IRAK1BP1: variants seen among roughly 807,000 people sequenced by gnomAD.
IRAK1BP1 encodes the protein interleukin 1 receptor associated kinase 1 binding protein 1, also known as interleukin-1 receptor-associated kinase 1-binding protein 1.
IRAK1BP1 carries 24 observed loss-of-function variants against 28.0 expected under a neutral mutation model. That is an observed-to-expected ratio of 0.86 (90% confidence interval 0.62 to 1.20). The LOEUF is 1.20. Ranked by LOEUF, IRAK1BP1 falls within the 50% of genes most tolerant of loss-of-function variation. The probability of loss-of-function intolerance (pLI) is 0.00; values close to 1 mark genes in which losing one functional copy is unlikely to be tolerated. For synonymous variants in IRAK1BP1, 131 were observed against 116.3 expected (o/e 1.13, Z -0.81); for missense variants, 336 against 316.7 (o/e 1.06, Z -0.46).
the IRAK1BP1 span, among the ~76,000 whole-genome samples, chr6:78,972,463 C>G: frequency 6.6e-6 from 1 of 152,162 alleles, no homozygotes; most frequent in East Asian, 1.9e-4. Flanking sequence ...CTCTAAAAAT[C>G]AGAGCACCTC....
intron 2 of IRAK1BP1, among the ~76,000 whole-genome samples, chr6:78,892,494 G>C (rs1038889521): frequency 6.6e-6 from 1 of 151,950 alleles, no homozygotes; most frequent in African/African-American, 2.4e-5. Flanking sequence ...TGCTATTTCA[G>C]TATGAACTGT....
intron 4 of IRAK1BP1, chr6:78,937,293 T>C (rs896363521): frequency 2.0e-5 from 3 of 151,754 alleles, no homozygotes; most frequent in Non-Finnish European, 4.4e-5. Flanking sequence ...AATGTCAGAA[T>C]TGAAGTAAAC....
At chr6:78,923,911 T>A (rs979429420) in intron 4 of IRAK1BP1, among the ~76,000 whole-genome samples, 26 of 152,140 alleles carry the variant, frequency 1.7e-4, no homozygotes, top group Admixed American at 9.8e-4. Context: ...TGGGGCACAT[T>A]CAAAGCAGTG....
At chr6:78,891,516 C>T (rs1444085245) in intron 2 of IRAK1BP1, among the ~76,000 whole-genome samples, 5 of 150,690 alleles carry the variant, frequency 3.3e-5, no homozygotes, top group African/African-American at 1.2e-4. Context: ...GGCTGGAGTG[C>T]AATGGCGTGA....
intron 1 of IRAK1BP1, among the ~76,000 whole-genome samples, chr6:78,872,589 T>A (rs1770830315): frequency 6.6e-6 from 1 of 152,196 alleles, no homozygotes; most frequent in Non-Finnish European, 1.5e-5. Flanking sequence ...AATCCAAAAT[T>A]CAAAATGCTC....
chr6:78,929,844 A>G (rs1772993875), intron 4 of IRAK1BP1, among the ~76,000 whole-genome samples: 1 of 152,202 alleles, frequency 6.6e-6, no homozygotes, highest in Admixed American at 6.5e-5. Context: ...CACTGAACAT[A>G]TAAGCTAATA....
the IRAK1BP1 span, chr6:78,955,477 A>G: frequency 7.3e-6 from 4 of 551,196 alleles, no homozygotes; most frequent in Non-Finnish European, 9.5e-6. Flanking sequence ...TTCTACTGCC[A>G]GTTGTTTTTT....
intron 1 of IRAK1BP1, among the ~76,000 whole-genome samples, chr6:78,878,414 A>G (rs1340942487): frequency 2.6e-5 from 4 of 152,238 alleles, no homozygotes; most frequent in Non-Finnish European, 5.9e-5. Flanking sequence ...AGCAAATTCC[A>G]ACAGACCTGC....
intron 4 of IRAK1BP1, among the ~76,000 whole-genome samples, chr6:78,933,190 A>T (rs1773118722): frequency 6.6e-6 from 1 of 152,188 alleles, no homozygotes; most frequent in African/African-American, 2.4e-5. Context: ...TCCTTCTACC[A>T]ATATAAGGAT....
the IRAK1BP1 span, among the ~76,000 whole-genome samples, chr6:78,964,860 T>A: frequency 6.6e-6 from 1 of 152,232 alleles, no homozygotes; most frequent in Admixed American, 6.5e-5. Context: ...GTCTTTATAA[T>A]GCTACTCTAT....
At chr6:78,976,613 C>T in the IRAK1BP1 span, among the ~76,000 whole-genome samples, 30 of 142,892 alleles carry the variant, frequency 2.1e-4, no homozygotes, top group African/African-American at 6.7e-4. Context: ...AGAAAATTTT[C>T]GCAATCTACT....
At chr6:78,906,639 G>C (rs1772267624), downstream of IRAK1BP1, among the ~76,000 whole-genome samples, 1 of 152,078 alleles carries the variant, frequency 6.6e-6, no homozygotes, top group Non-Finnish European at 1.5e-5. Context: ...CCCACCCCAA[G>C]AAAATGATTA....
chr6:78,888,264 G>C (rs1771501112), intron 2 of IRAK1BP1, among the ~76,000 whole-genome samples: 1 of 152,132 alleles, frequency 6.6e-6, no homozygotes, highest in African/African-American at 2.4e-5. Context: ...TTCTAGATAT[G>C]GGCTATACAG....
the IRAK1BP1 span, among the ~76,000 whole-genome samples, chr6:78,959,101 G>C: frequency 6.6e-6 from 1 of 152,046 alleles, no homozygotes; most frequent in Non-Finnish European, 1.5e-5. Context: ...TAGCATGCTA[G>C]TTTACCAAGA....
intron 2 of IRAK1BP1, among the ~76,000 whole-genome samples, chr6:78,885,664 A>C (rs542427420): frequency 1.3e-5 from 2 of 152,282 alleles, no homozygotes; most frequent in Non-Finnish European, 2.9e-5. Flanking sequence ...GGGAAATAGC[A>C]GTTAATTGCC....
At chr6:78,880,288 T>A (rs1370534466) in intron 1 of IRAK1BP1, among the ~76,000 whole-genome samples, 1 of 152,202 alleles carries the variant, frequency 6.6e-6, no homozygotes, top group Non-Finnish European at 1.5e-5. Flanking sequence ...ATATCCCAAA[T>A]CCAAAAATCT....
chr6:78,899,856 AT>A lies in IRAK1BP1; in HGVS notation c.*1528del, dbSNP rs1317875191. The A allele has an allele frequency of 6.6e-6, 1 of 152,204 alleles. No homozygotes were observed. The highest frequency in any genetic ancestry group is 1.5e-5 in the Non-Finnish European group (1 of 68,040). The allele number at this position is 152,204 out of a possible 1,614,324, so 9.4% of individuals were successfully genotyped here. A position where few individuals can be genotyped will look rare whatever the true frequency, so the allele number is the denominator to read the frequency against. Reference sequence around the variant, plus strand: ...AATATTATTTCAGCATGTAATCAGTATTTTTTAAATTGAGATATTTGTTTTA... The same window carrying A: ...AATATTATTTCAGCATGTAATCAGTATTTTTAAATTGAGATATTTGTTTTA... On this transcript the variant is annotated 3_prime_UTR_variant, in exon 4 of 4. Coordinates refer to ENST00000369940, the MANE Select transcript of IRAK1BP1 (RefSeq NM_001010844.4).
At chr6:78,942,356 G>A (rs1053881227) in intron 4 of IRAK1BP1, among the ~76,000 whole-genome samples, 3 of 152,186 alleles carry the variant, frequency 2.0e-5, no homozygotes, top group African/African-American at 7.2e-5. Flanking sequence ...GGTGGTGGGT[G>A]CCTGTAATCC....
intron 4 of IRAK1BP1, chr6:78,939,446 C>T (rs577577228): frequency 6.6e-6 from 1 of 151,826 alleles, no homozygotes; most frequent in South Asian, 2.1e-4. Flanking sequence ...CTATTTTAAC[C>T]TTTAATAATT....
Sources: gnomAD v4.1 joint callset for allele counts (sites outside exome capture counted in the v4.1 genomes callset) on GRCh38, gnomAD v4.1.1 for gene constraint, MANE v1.5 for transcripts, NCBI Gene and HGNC (gene_info 2026-07-23, HGNC 2026-07-21) for gene names.